Variants in FZD3 observed in about 807,000 individuals in gnomAD.
The protein encoded by FZD3 is frizzled-3.
A neutral mutation model predicts 60.7 loss-of-function variants in FZD3; 30 were observed. The ratio of observed to expected loss-of-function variants is 0.49; its 90% CI spans 0.37 to 0.67. FZD3 has a LOEUF of 0.67. FZD3 is among the 30% of genes least tolerant of loss of function. The pLI, the probability that FZD3 is intolerant of heterozygous loss-of-function variation, is 0.00. For missense variants in FZD3, 605 were observed against 838.7 expected, an observed-to-expected ratio of 0.72 and a Z score of 3.44; for synonymous variants, 246 against 275.2, an observed-to-expected ratio of 0.89 and a Z score of 1.05.
At chr8:28,523,581 C>T (rs1312568310) in intron 4 of FZD3, among the ~76,000 whole-genome samples, 1 of 151,306 alleles carries the variant, frequency 6.6e-6, no homozygotes, top group Non-Finnish European at 1.5e-5. Flanking sequence ...ATGGGCGTAC[C>T]ACCATGTCCA....
intron 5 of FZD3, among the ~76,000 whole-genome samples, chr8:28,550,996 A>C (rs1585997179): frequency 6.6e-6 from 1 of 151,952 alleles, no homozygotes; most frequent in Admixed American, 6.6e-5. Context: ...CTACATCACC[A>C]CTGCCTCTCT....
chr8:28,511,076 G>A (rs1350161720), intron 3 of FZD3, among the ~76,000 whole-genome samples: 1 of 151,922 alleles, frequency 6.6e-6, no homozygotes. Flanking sequence ...TGCCGGCAAG[G>A]TGCGGTGGCT....
At position 28,571,824 on chromosome 8, in the gene FZD3, A is replaced by G. The variant is rs931176000; in HGVS notation, c.*8813A>G. ...CCAGAAAGAAAAGTTTGACAACTCA[A>G]AAACGATTAAATTATCTTATCTTGT... On this transcript the variant is annotated 3_prime_UTR_variant, in exon 8 of 8. Coordinates refer to ENST00000240093, the MANE Select transcript of FZD3 (RefSeq NM_017412.4). 6.6e-6 allele frequency: 1 copy of G among 152,150 alleles called. No individual in the cohort carries two copies. Among genetic ancestry groups the G allele is most frequent in the Non-Finnish European group, 1.5e-5 (1 of 68,004 alleles). 9.4% of individuals were successfully genotyped at this position (152,150 alleles called of 1,614,324 possible).
At chr8:28,542,572 A>T (rs1437270978) in intron 5 of FZD3, among the ~76,000 whole-genome samples, 1 of 152,172 alleles carries the variant, frequency 6.6e-6, no homozygotes, top group East Asian at 1.9e-4. Context: ...CAGGAGGCAG[A>T]GGTTGCAGTG....
chr8:28,544,666 T>C (rs977388758), intron 5 of FZD3, among the ~76,000 whole-genome samples: 2 of 152,110 alleles, frequency 1.3e-5, no homozygotes, highest in Non-Finnish European at 2.9e-5. Context: ...GTCCAAAATA[T>C]GTGGGAAGAA....
At chr8:28,545,954 T>C (rs1563401924) in intron 5 of FZD3, among the ~76,000 whole-genome samples, 1 of 152,228 alleles carries the variant, frequency 6.6e-6, no homozygotes, top group Admixed American at 6.5e-5. Flanking sequence ...TTACCCTTTC[T>C]ATGTTTAAAT....
chr8:28,510,252 A>T (rs1804250494), intron 3 of FZD3, among the ~76,000 whole-genome samples: 1 of 152,172 alleles, frequency 6.6e-6, no homozygotes, highest in African/African-American at 2.4e-5. Context: ...TGGACACAGG[A>T]AACAACTGTG....
intron 3 of FZD3, among the ~76,000 whole-genome samples, chr8:28,516,763 A>G (rs2130334412): frequency 6.6e-6 from 1 of 151,948 alleles, no homozygotes; most frequent in African/African-American, 2.4e-5. Flanking sequence ...ACTATTTTGC[A>G]TTCTTTTTTT....
rs1243959305 is a variant in FZD3, at chr8:28,570,086, A to G, written c.*7075A>G. The G allele has an allele frequency of 6.6e-6, 1 of 152,226 alleles. No individual in the cohort carries two copies. Among genetic ancestry groups the G allele is most frequent in the African/African-American group, 2.4e-5 (1 of 41,464 alleles). The allele number at this position is 152,226 out of a possible 1,614,324, so 9.4% of individuals were successfully genotyped here. ...TTGCCAGATTGCCATGGGCAAGTGA[A>G]TGTCTTCATTTGAAATATTATTAGA... On this transcript the variant is annotated 3_prime_UTR_variant, in exon 8 of 8. Coordinates refer to ENST00000240093, the MANE Select transcript of FZD3 (RefSeq NM_017412.4).
At chr8:28,510,331 A>G (rs184610920) in intron 3 of FZD3, among the ~76,000 whole-genome samples, 113 of 152,332 alleles carry the variant, frequency 7.4e-4, no homozygotes, top group African/African-American at 2.1e-3. Flanking sequence ...TTTTTGGGAT[A>G]GGTTCCTAGA....
intron 5 of FZD3, 94 bp from the exon 6 acceptor site, chr8:28,551,509 T>A: frequency 1.0e-6 from 1 of 975,778 alleles, no homozygotes; most frequent in East Asian, 2.7e-5. Flanking sequence ...AGAACAAAAC[T>A]CTGTCTCAAA....
chr8:28,521,863 T>C (rs373016905), intron 4 of FZD3, among the ~76,000 whole-genome samples: 2 of 152,220 alleles, frequency 1.3e-5, no homozygotes, highest in East Asian at 3.8e-4. Flanking sequence ...CAGATTTTTG[T>C]TATTATAAGT....
rs1173862542 is a variant in FZD3, at chr8:28,569,278, T to G, written c.*6267T>G. ...CTATTTTCTAAATTGGCAGGATTTT[T>G]TTAATGATTAGTAAAACTGTATTAT... On this transcript the variant is annotated 3_prime_UTR_variant, in exon 8 of 8. Coordinates refer to ENST00000240093, the MANE Select transcript of FZD3 (RefSeq NM_017412.4). 1 of 152,014 alleles carries G rather than the reference T, an allele frequency of 6.6e-6. No homozygotes were observed. Among genetic ancestry groups the G allele is most frequent in the Non-Finnish European group, 1.5e-5 (1 of 67,962 alleles). The allele number at this position is 152,014 out of a possible 1,614,324, so 9.4% of individuals were successfully genotyped here.
Position 28,542,860 on chromosome 8 carries a change from A to G in FZD3, c.1405-8743A>G, listed in dbSNP as rs1805203144. 2.0e-5 allele frequency among the ~76,000 whole-genome samples: 3 copies of G among 152,322 alleles called. No homozygotes were observed. In the South Asian group the frequency reaches 6.2e-4, roughly 32 times the overall value. On this transcript the variant is annotated intron_variant, in intron 5 of 7. Coordinates refer to ENST00000240093, the MANE Select transcript of FZD3 (RefSeq NM_017412.4). ...GACTATTTGCTGTTATGTCTTTTGT[A>G]CAAGGTCATGGTAGCACTCAGTATT...
chr8:28,526,632 T>C (rs573407345), intron 4 of FZD3, among the ~76,000 whole-genome samples: 9 of 152,304 alleles, frequency 5.9e-5, no homozygotes, highest in African/African-American at 1.9e-4. Flanking sequence ...CATTCTGTCA[T>C]TTGGCTTTAT....
intron 3 of FZD3, 125 bp downstream of exon 3, chr8:28,503,327 T>G (rs962305312): frequency 3.8e-6 from 2 of 528,022 alleles, no homozygotes; most frequent in East Asian, 6.2e-5. Flanking sequence ...TTATATCTTA[T>G]AAATTTAAAA....
rs1386302760 is a variant in FZD3, at chr8:28,535,949, A to C, written c.1404+7785A>C. ...ATTCGTTAAAAATGTGGGCTTTAAA[A>C]TCAGACAGGCTGGGTTTATGACTTG... On this transcript the variant is annotated intron_variant, in intron 5 of 7. Transcript: ENST00000240093. Among the ~76,000 whole-genome samples, 4 of 152,254 alleles carry C rather than the reference A, an allele frequency of 2.6e-5. No homozygotes were observed. In the East Asian group the frequency reaches 7.7e-4, roughly 29 times the overall value.
In FZD3 at chr8:28,494,266, G is replaced by C. The variant is rs1291364511; in HGVS notation, c.-468G>C. On this transcript the variant is annotated 5_prime_UTR_variant, in exon 1 of 8. Transcript: ENST00000240093. The stretch of plus-strand genomic sequence containing the variant: ...CGCCGGCGTTCCTCGGCCGCTCCGG[G>C]TACCTGAGGGACGCGCGGCCGCCCG... 6.6e-6 allele frequency: 1 copy of C among 151,322 alleles called. No homozygotes were observed. Among genetic ancestry groups the C allele is most frequent in the Admixed American group, 6.6e-5 (1 of 15,190 alleles). The allele number at this position is 151,322 out of a possible 1,614,324, so 9.4% of individuals were successfully genotyped here.
chr8:28,506,516 G>A (rs1804144783), intron 3 of FZD3, among the ~76,000 whole-genome samples: 1 of 152,124 alleles, frequency 6.6e-6, no homozygotes, highest in Non-Finnish European at 1.5e-5. Flanking sequence ...TGTGGAACGA[G>A]CAATCTTTAA....
Sources: allele counts gnomAD v4.1 joint callset (sites outside exome capture counted in the v4.1 genomes callset), GRCh38; gene constraint gnomAD v4.1.1; transcripts MANE v1.5; gene names NCBI Gene and HGNC (gene_info 2026-07-23, HGNC 2026-07-21).